Variants in EBF3 observed in about 807,000 individuals in gnomAD.
EBF3 encodes the protein EBF transcription factor 3.
EBF3 carries 18 observed loss-of-function variants against 77.1 expected under a neutral mutation model. The ratio of observed to expected loss-of-function variants is 0.23; its 90% CI spans 0.16 to 0.35. The LOEUF (loss-of-function observed/expected upper bound fraction) is 0.35. Ranked by LOEUF, EBF3 falls within the 10% of genes least tolerant of loss-of-function variation. The pLI is 1.00. For missense variants in EBF3, 558 were observed against 860.0 expected (o/e 0.65, Z 4.39); for synonymous variants, 350 against 343.5 (o/e 1.02, Z -0.21).
At chr10:129,961,524 A>T (rs1032108172) in intron 4 of EBF3, among the ~76,000 whole-genome samples, 1 of 152,196 alleles carries the variant, frequency 6.6e-6, no homozygotes, top group Non-Finnish European at 1.5e-5. Context: ...TTTAATAAGG[A>T]ACTGCTTGTA....
At chr10:129,862,318 G>C (rs1851697364) in intron 10 of EBF3, among the ~76,000 whole-genome samples, 1 of 152,076 alleles carries the variant, frequency 6.6e-6, no homozygotes, top group African/African-American at 2.4e-5. Flanking sequence ...TGCATCCCAG[G>C]GCTGGGAGCG....
intron 6 of EBF3, among the ~76,000 whole-genome samples, chr10:129,941,669 C>G (rs542194565): frequency 6.6e-6 from 1 of 152,342 alleles, no homozygotes; most frequent in East Asian, 1.9e-4. Flanking sequence ...GGGCAGTGAG[C>G]AGCGCTCCAT....
chr10:129,865,645 C>T (rs1248909857), intron 10 of EBF3, among the ~76,000 whole-genome samples: 2 of 152,216 alleles, frequency 1.3e-5, no homozygotes, highest in African/African-American at 4.8e-5. Flanking sequence ...CAAGACCCAT[C>T]CAGGCACACC....
intron 10 of EBF3, among the ~76,000 whole-genome samples, chr10:129,865,833 G>A (rs1024367792): frequency 2.6e-5 from 4 of 152,228 alleles, no homozygotes; most frequent in Admixed American, 6.5e-5. Flanking sequence ...TCTGGACAGA[G>A]GAGAGGACTG....
chr10:129,962,328 G>A, intron 3 of EBF3, 102 bp from the exon 4 acceptor site: 1 of 1,013,722 alleles, frequency 9.9e-7, no homozygotes, highest in South Asian at 1.3e-5. Flanking sequence ...TGCTGCCACG[G>A]TGATGCAGCA....
At chr10:129,962,734 TCTTA>T (rs1859622487) in intron 3 of EBF3, among the ~76,000 whole-genome samples, 2 of 152,244 alleles carry the variant, frequency 1.3e-5, no homozygotes, top group African/African-American at 4.8e-5. Flanking sequence ...TCGATCTTTT[TCTTA>T]CTTTCTACTT....
intron 11 of EBF3, among the ~76,000 whole-genome samples, chr10:129,846,877 TG>T (rs34318872): frequency 0.43 from 65,248 of 151,670 alleles, 15,475 homozygotes; most frequent in Non-Finnish European, 0.54. Flanking sequence ...GGAGGGCTTA[TG>T]GGAAAAAATG....
intron 6 of EBF3, among the ~76,000 whole-genome samples, chr10:129,904,426 A>G (rs145033222): frequency 2.0e-4 from 30 of 152,284 alleles, no homozygotes; most frequent in South Asian, 1.7e-3. Context: ...AGATGATTAA[A>G]TGGACAGATG....
intron 6 of EBF3, among the ~76,000 whole-genome samples, chr10:129,952,000 C>T (rs529647031): frequency 7.2e-5 from 11 of 152,374 alleles, no homozygotes; most frequent in South Asian, 4.1e-4. Flanking sequence ...CTGAGCCCGG[C>T]GAAGCCAAAT....
At chr10:129,873,814 A>G (rs1852573710) in intron 7 of EBF3, among the ~76,000 whole-genome samples, 1 of 152,198 alleles carries the variant, frequency 6.6e-6, no homozygotes, top group Non-Finnish European at 1.5e-5. Flanking sequence ...TTCTCTTCAA[A>G]ACCTGCTCCA....
chr10:129,933,097 G>T (rs946729070), intron 6 of EBF3, among the ~76,000 whole-genome samples: 5 of 152,130 alleles, frequency 3.3e-5, no homozygotes, highest in South Asian at 2.1e-4. Flanking sequence ...AATCTCATTC[G>T]CTTGGAATCA....
intron 6 of EBF3, among the ~76,000 whole-genome samples, chr10:129,956,281 C>T (rs373876896): frequency 6.6e-6 from 1 of 152,152 alleles, no homozygotes; most frequent in Non-Finnish European, 1.5e-5. Context: ...ATGAAAGCTG[C>T]GGAAATTCAA....
Position 129,908,479 on chromosome 10 carries a change from G to A in EBF3, c.555-30630C>T, listed in dbSNP as rs959091788. Among the ~76,000 whole-genome samples, 4 of 152,200 alleles carry A rather than the reference G, an allele frequency of 2.6e-5. No homozygotes were observed. The South Asian group carries it at 8.3e-4, about 32-fold the overall frequency. ...CCTGGGCAATGGTTATTGGATTAGG[G>A]CGAATACAAATCTCATTCCAAATAG... On this transcript the variant is annotated intron_variant, in intron 6 of 16. Transcript: ENST00000440978.
At chr10:129,933,105 T>A (rs2134433701) in intron 6 of EBF3, among the ~76,000 whole-genome samples, 1 of 152,256 alleles carries the variant, frequency 6.6e-6, no homozygotes, top group South Asian at 2.1e-4. Context: ...TCGCTTGGAA[T>A]CAGCCTGATT....
At chr10:129,934,101 C>T (rs953258669) in intron 6 of EBF3, among the ~76,000 whole-genome samples, 1 of 152,174 alleles carries the variant, frequency 6.6e-6, no homozygotes, top group African/African-American at 2.4e-5. Context: ...TTTAGCTGAG[C>T]ATCTTGTATT....
chr10:129,948,116 G>C (rs1858368135), intron 6 of EBF3, among the ~76,000 whole-genome samples: 1 of 152,002 alleles, frequency 6.6e-6, no homozygotes, highest in South Asian at 2.1e-4. Flanking sequence ...AAATTAGCCA[G>C]GTGTGGTGGC....
chr10:129,886,654 T>C (rs1169019149), intron 6 of EBF3, among the ~76,000 whole-genome samples: 3 of 152,144 alleles, frequency 2.0e-5, no homozygotes, highest in African/African-American at 4.8e-5. Flanking sequence ...TGGGAATTTT[T>C]TTTTCCCTGG....
rs1851796236 is a variant in EBF3, at chr10:129,863,664, C to CAAAGGGGTGACATGCAAAGGGGACG, written c.1039+3476_1039+3477insCGTCCCCTTTGCATGTCACCCCTTT. 6.6e-6 allele frequency among the ~76,000 whole-genome samples: 1 copy of CAAAGGGGTGACATGCAAAGGGGACG among 152,202 alleles called. No individual in the cohort carries two copies. Among genetic ancestry groups the CAAAGGGGTGACATGCAAAGGGGACG allele is most frequent in the Non-Finnish European group, 1.5e-5 (1 of 68,036 alleles). ...GACGCCCAGGGGACGGTGCCTACGT[C>CAAAGGGGTGACATGCAAAGGGGACG]GTGACATGCAAAGGGGCTGGCTCAG... On this transcript the variant is annotated intron_variant, in intron 10 of 16. Transcript: ENST00000440978. The surrounding 1 kb of genome is among the most constrained non-coding windows in gnomAD (Gnocchi z 4.0).
At chr10:129,856,965 T>A (rs1215487108) in intron 10 of EBF3, among the ~76,000 whole-genome samples, 2 of 152,168 alleles carry the variant, frequency 1.3e-5, no homozygotes, top group Non-Finnish European at 2.9e-5. Flanking sequence ...AATAAAGATG[T>A]GTCCAGTGCC....
Sources: allele counts gnomAD v4.1 joint callset (sites outside exome capture counted in the v4.1 genomes callset), GRCh38; gene constraint gnomAD v4.1.1; non-coding constraint Gnocchi (gnomAD v3.1); transcripts MANE v1.5; gene names NCBI Gene and HGNC (gene_info 2026-07-23, HGNC 2026-07-21).